IL20RA: variants seen among roughly 807,000 people sequenced by gnomAD.
The protein encoded by IL20RA is interleukin-20 receptor subunit alpha.
A neutral mutation model predicts 36.5 loss-of-function variants in IL20RA; 29 were observed. That is an observed-to-expected ratio of 0.79 (90% CI 0.59 to 1.08). IL20RA has a LOEUF of 1.08. Ranked by LOEUF, IL20RA falls within the 50% of genes least tolerant of loss-of-function variation. IL20RA has a pLI of 0.00. For synonymous variants in IL20RA, 279 were observed against 267.1 expected (o/e 1.04, Z -0.43); for missense variants, 652 against 668.4 (o/e 0.98, Z 0.27).
Position 137,011,270 on chromosome 6 carries a change from T to TTA in IL20RA, c.403+2_403+3dup. The TTA allele has an allele frequency of 6.2e-7, 1 of 1,600,550 alleles. No individual in the cohort carries two copies. The highest frequency in any genetic ancestry group is 8.5e-7 in the Non-Finnish European group (1 of 1,172,820). On this transcript the variant is annotated splice_donor_region_variant and intron_variant, in intron 3 of 6. Transcript: ENST00000316649. ...CTGACCATTGCAATAATGGCATTAC[T>TTA]TACTTTCTAAAAAAGGATAGAACCG...
At chr6:137,019,886 T>C (rs979581422) in intron 1 of IL20RA, among the ~76,000 whole-genome samples, 1 of 152,222 alleles carries the variant, frequency 6.6e-6, no homozygotes, top group Non-Finnish European at 1.5e-5. Context: ...GTCTACATTA[T>C]GGGTAAATCT....
Position 137,004,718 on chromosome 6 carries a change from A to G in IL20RA, c.767T>C (p.Val256Ala), listed in dbSNP as rs775970912. The G allele has an allele frequency of 6.2e-7, 1 of 1,605,048 alleles. No individual in the cohort carries two copies. Among genetic ancestry groups the G allele is most frequent in the East Asian group, 2.2e-5 (1 of 44,822 alleles). Reference sequence around the variant, plus strand: ...AAACACGGTAATAGATACGGGCAAAACATACCAGAAGATGATTTTAGCCTT... The same window carrying G: ...AAACACGGTAATAGATACGGGCAAAGCATACCAGAAGATGATTTTAGCCTT... ...EFKAKIIFWY[V>A]LPVSITVFLF... Residue 256 changes from valine to alanine, a missense_variant, in exon 6 of 7, where the codon GTT becomes GCT. Coordinates refer to ENST00000316649, the MANE Select transcript of IL20RA (RefSeq NM_014432.4).
intron 1 of IL20RA, among the ~76,000 whole-genome samples, chr6:137,021,161 T>C (rs1423172105): frequency 6.6e-6 from 1 of 152,120 alleles, no homozygotes; most frequent in African/African-American, 2.4e-5. Context: ...AAATGGATGC[T>C]TATAAATTGC....
chr6:137,033,695 C>G (rs1360420743), intron 1 of IL20RA, among the ~76,000 whole-genome samples: 3 of 152,242 alleles, frequency 2.0e-5, no homozygotes, highest in Non-Finnish European at 4.4e-5. Flanking sequence ...CACCATTCTT[C>G]CAGTGTAGCC....
At chr6:137,038,190 A>G (rs542454167) in intron 1 of IL20RA, 8 of 112,446 alleles carry the variant, frequency 7.1e-5, no homozygotes, top group African/African-American at 2.5e-4. Flanking sequence ...TTCTTTCTAT[A>G]GTTCTTTTGT....
At position 137,029,272 on chromosome 6, in the gene IL20RA, C is replaced by T. The variant is rs570677621; in HGVS notation, c.89-12169G>A. ...CCTGTAATCCCAGCGCTTTGGGAGG[C>T]CAAGGTGGGTGGATCACCTGAGGCC... On this transcript the variant is annotated intron_variant, in intron 1 of 6. Coordinates refer to ENST00000316649, the MANE Select transcript of IL20RA (RefSeq NM_014432.4). Among the ~76,000 whole-genome samples, 17 of 152,290 alleles carry T rather than the reference C, an allele frequency of 1.1e-4. 1 individual carries two copies. The South Asian group carries it at 3.5e-3, about 32-fold the overall frequency.
intron 1 of IL20RA, among the ~76,000 whole-genome samples, chr6:137,035,089 T>C: frequency 6.6e-6 from 1 of 152,154 alleles, no homozygotes; most frequent in East Asian, 1.9e-4. Flanking sequence ...TGCATAGTAC[T>C]CCATGGTGTA....
intron 1 of IL20RA, among the ~76,000 whole-genome samples, chr6:137,040,546 A>G (rs954149370): frequency 6.6e-6 from 1 of 152,212 alleles, no homozygotes; most frequent in Non-Finnish European, 1.5e-5. Flanking sequence ...GAAGTGCTCA[A>G]AAAAGATGGG....
At chr6:137,036,707 C>G (rs1331658938) in intron 1 of IL20RA, among the ~76,000 whole-genome samples, 1 of 152,212 alleles carries the variant, frequency 6.6e-6, no homozygotes, top group African/African-American at 2.4e-5. Context: ...TGATTTCAGA[C>G]TTCCAGGCTC....
At chr6:137,030,079 T>TTTTG (rs1776226340) in intron 1 of IL20RA, among the ~76,000 whole-genome samples, 1 of 113,080 alleles carries the variant, frequency 8.8e-6, no homozygotes, top group Non-Finnish European at 1.9e-5. Flanking sequence ...GGTTTTTTTT[T>TTTTG]TTTTTTTTTT....
rs1165984769 is a variant in IL20RA, at chr6:137,016,953, AAAG to A, written c.224+12_224+14del. The A allele has an allele frequency of 4.3e-6, 7 of 1,611,666 alleles. No individual in the cohort carries two copies. The highest frequency in any genetic ancestry group is 5.9e-6 in the Non-Finnish European group (7 of 1,178,584). ...TGTGTTTGTAAGCTAGCCAAAAGGA[AAAG>A]AAGAAACTTACATGAAATACTGCAC... On this transcript the variant is annotated intron_variant, in intron 2 of 6. Transcript: ENST00000316649.
In IL20RA at chr6:137,017,026, A is replaced by G; in HGVS notation, c.166T>C (p.Trp56Arg). 6.2e-7 allele frequency: 1 copy of G among 1,612,670 alleles called. No individual in the cohort carries two copies. ...CCTTGAAGACCCTCTGGTGGAGTCC[A>G]TTGTAGGACATTCTTCATGTTGATG... ...LSINMKNVLQ[W>R]TPPEGLQGVK... Residue 56 changes from tryptophan to arginine, a missense_variant, in exon 2 of 7, where the codon TGG becomes CGG. Trp to Arg is a moderately radical substitution (Grantham distance 101). Transcript: ENST00000316649.
intron 3 of IL20RA, 76 bp from the exon 4 acceptor site, chr6:137,009,568 C>T: frequency 4.0e-6 from 3 of 750,634 alleles, no homozygotes; most frequent in East Asian, 5.4e-5. Context: ...TATAATCCTA[C>T]TTGGATCAAG....
chr6:137,011,356 C>T lies in IL20RA; in HGVS notation c.321G>A (p.Gln107=). The T allele has an allele frequency of 3.1e-6, 5 of 1,613,756 alleles. No homozygotes were observed. The highest frequency in any genetic ancestry group is 4.2e-6 in the Non-Finnish European group (5 of 1,179,646). Residue 107 remains glutamine, a synonymous_variant, in exon 3 of 7, where the codon CAG becomes CAA. Transcript: ENST00000316649. ...LSAETSDYEH[Q]YYAKVKAIWG... is the part of the protein sequence containing the mutation. ...AAATGGCCTTAACTTTGGCATAATA[C>T]TGGTGTTCGTAGTCAGAAGTTTCAG...
intron 6 of IL20RA, among the ~76,000 whole-genome samples, chr6:137,004,256 A>G (rs1775196375): frequency 1.4e-5 from 2 of 141,780 alleles, no homozygotes; most frequent in Admixed American, 7.8e-5. Context: ...GCTTGCCGCA[A>G]TCTTGGTCTC....
In IL20RA at chr6:137,009,281, T is replaced by G. The variant is rs181572664; in HGVS notation, c.579+36A>C. On this transcript the variant is annotated intron_variant, in intron 4 of 6. Coordinates refer to ENST00000316649, the MANE Select transcript of IL20RA (RefSeq NM_014432.4). ...TGTTCCCACATTAGCTACAGAGTGG[T>G]ACATGAATGTATGCCCCATTCCATT... 1,137 of 1,533,664 alleles carry G rather than the reference T, an allele frequency of 7.4e-4. 2 individuals carry two copies. In the African/African-American group the frequency reaches 7.7e-3, roughly 10 times the overall value.
chr6:137,003,508 A>C (rs1420876552), intron 6 of IL20RA, among the ~76,000 whole-genome samples: 1 of 152,114 alleles, frequency 6.6e-6, no homozygotes, highest in Non-Finnish European at 1.5e-5. Context: ...CTAGACTGAT[A>C]TCCCACTCTC....
chr6:137,020,965 C>T (rs1302775882), intron 1 of IL20RA, among the ~76,000 whole-genome samples: 4 of 152,000 alleles, frequency 2.6e-5, no homozygotes, highest in Non-Finnish European at 4.4e-5. Flanking sequence ...AAGTAGGTCA[C>T]GTCTTGATAT....
In IL20RA at chr6:137,004,624, A is replaced by C; in HGVS notation, c.861T>G (p.Asn287Lys). The part of the protein sequence containing the change: ...IHVGKEKHPA[N>K]LILIYGNEFD... ...CCCTGCCACACCAAGTACTCACCAA[A>C]TTTGCTGGGTGTTTCTCTTTGCCAA... Residue 287 changes from asparagine (N) to lysine (K), a missense_variant, in exon 6 of 7, where the codon AAT (asparagine) becomes AAG (lysine). By Grantham distance (94) the Asn-to-Lys change is moderately conservative. Transcript: ENST00000316649. 1 of 1,613,786 alleles carries C rather than the reference A, an allele frequency of 6.2e-7. No individual in the cohort carries two copies. Among genetic ancestry groups the C allele is most frequent in the Non-Finnish European group, 8.5e-7 (1 of 1,179,872 alleles).
Sources: allele counts gnomAD v4.1 joint callset (sites outside exome capture counted in the v4.1 genomes callset), GRCh38; gene constraint gnomAD v4.1.1; transcripts MANE v1.5; gene names NCBI Gene and HGNC (gene_info 2026-07-23, HGNC 2026-07-21).